Variants in TYRP1 observed in about 807,000 individuals in gnomAD.
The protein encoded by TYRP1 is tyrosinase related protein 1, also known as 5,6-dihydroxyindole-2-carboxylic acid oxidase.
A neutral mutation model predicts 42.8 loss-of-function variants in TYRP1; 49 were observed. That is an observed-to-expected ratio of 1.14 (90% CI 0.91 to 1.45). The LOEUF is 1.45. Ranked by LOEUF, TYRP1 falls within the 40% of genes most tolerant of loss-of-function variation. The pLI, the probability that TYRP1 is intolerant of heterozygous loss-of-function variation, is 0.00. For synonymous variants in TYRP1, 279 were observed against 235.4 expected (o/e 1.19, Z -1.69); for missense variants, 848 against 662.0 (o/e 1.28, Z -3.08).
At chr9:12,705,042 A>C (rs1818235897) in intron 6 of TYRP1, among the ~76,000 whole-genome samples, 1 of 152,026 alleles carries the variant, frequency 6.6e-6, no homozygotes, top group Non-Finnish European at 1.5e-5. Flanking sequence ...TTTAAATATA[A>C]ATGAGGAAAA....
At chr9:12,694,673 C>T (rs1455556484) in intron 2 of TYRP1, among the ~76,000 whole-genome samples, 1 of 152,172 alleles carries the variant, frequency 6.6e-6, no homozygotes, top group Non-Finnish European at 1.5e-5. Context: ...GTAACTCCTT[C>T]AGGTAAACAT....
chr9:12,709,315 C>T lies in TYRP1; in HGVS notation c.*133C>T. The T allele has an allele frequency of 1.1e-6, 1 of 922,358 alleles. No individual in the cohort carries two copies. Among genetic ancestry groups the T allele is most frequent in the Non-Finnish European group, 1.7e-6 (1 of 589,314 alleles). 57.1% of individuals were successfully genotyped at this position (922,358 alleles called of 1,614,324 possible). ...ACAAGCATATGTTAGCATTAAAGTT[C>T]TAGGCATACTTTTCAAAGCTGGGAA... On this transcript the variant is annotated 3_prime_UTR_variant, in exon 8 of 8. Coordinates refer to ENST00000388918, the MANE Select transcript of TYRP1 (RefSeq NM_000550.3).
chr9:12,709,406 A>C lies in TYRP1; in HGVS notation c.*224A>C. The C allele has an allele frequency of 1.8e-6, 1 of 548,982 alleles. No individual in the cohort carries two copies. The allele number at this position is 548,982 out of a possible 1,614,324, so 34.0% of individuals were successfully genotyped here. On this transcript the variant is annotated 3_prime_UTR_variant, in exon 8 of 8. Coordinates refer to ENST00000388918, the MANE Select transcript of TYRP1 (RefSeq NM_000550.3). The stretch of plus-strand genomic sequence containing the variant: ...TCTATTTAAAATGGTGAATGACACT[A>C]AACTCCATGATATTTAAGGATAGTG...
intron 1 of TYRP1, 119 bp from the exon 2 acceptor site, chr9:12,693,793 T>C: frequency 1.7e-6 from 1 of 604,644 alleles, no homozygotes; most frequent in East Asian, 3.0e-5. Context: ...ACTTTTATTA[T>C]TTGTGTGAAA....
intron 4 of TYRP1, among the ~76,000 whole-genome samples, chr9:12,699,124 G>T (rs1818125379): frequency 6.6e-6 from 1 of 152,112 alleles, no homozygotes; most frequent in Non-Finnish European, 1.5e-5. Flanking sequence ...GAAAACAAAA[G>T]CTGATATGGG....
rs1352004511 is a variant in TYRP1 at position 12,709,472 on chromosome 9, A to C, written c.*290A>C. 4 of 293,042 alleles carry C rather than the reference A, an allele frequency of 1.4e-5. No homozygotes were observed. Among genetic ancestry groups the C allele is most frequent in the South Asian group, 2.7e-5 (1 of 36,952 alleles). The allele number at this position is 293,042 out of a possible 1,614,324, so 18.2% of individuals were successfully genotyped here. ...TGATTTAAAGGTTGAGTATGTGAAG[A>C]TATAAGTAAGTGAACTACCATGCTT... On this transcript the variant is annotated 3_prime_UTR_variant, in exon 8 of 8. Coordinates refer to ENST00000388918, the MANE Select transcript of TYRP1 (RefSeq NM_000550.3).
chr9:12,694,799 C>G (rs1427081731), intron 2 of TYRP1, among the ~76,000 whole-genome samples: 1 of 152,158 alleles, frequency 6.6e-6, no homozygotes, highest in Non-Finnish European at 1.5e-5. Context: ...GCAACTACCC[C>G]TGCTGACCCT....
chr9:12,706,416 A>G (rs190542429), intron 6 of TYRP1, among the ~76,000 whole-genome samples: 1 of 152,162 alleles, frequency 6.6e-6, no homozygotes, highest in East Asian at 1.9e-4. Flanking sequence ...GCAAGTTGTT[A>G]AAGGTTCTCC....
intron 6 of TYRP1, among the ~76,000 whole-genome samples, chr9:12,706,560 C>T (rs41303671): frequency 7.6e-4 from 116 of 151,638 alleles, no homozygotes; most frequent in East Asian, 5.8e-3. Context: ...AGAGAAATAC[C>T]GTAAATAAAA....
At position 12,709,759 on chromosome 9, in the gene TYRP1, G is replaced by A. The variant is rs931140427; in HGVS notation, c.*577G>A. ...TTATTTAGTCAACATATACTATTTA[G>A]TCTCAGGTTCAAGGCTACAACAAAA... On this transcript the variant is annotated 3_prime_UTR_variant, in exon 8 of 8. Transcript: ENST00000388918. The A allele has an allele frequency of 3.3e-5, 5 of 153,504 alleles. No individual in the cohort carries two copies. The highest frequency in any genetic ancestry group is 9.7e-5 in the African/African-American group (4 of 41,346). 9.5% of individuals were successfully genotyped at this position (153,504 alleles called of 1,614,324 possible).
chr9:12,701,040 G>A (rs77511830), intron 4 of TYRP1, among the ~76,000 whole-genome samples: 12 of 152,098 alleles, frequency 7.9e-5, no homozygotes, highest in African/African-American at 2.9e-4. Context: ...TCTCTCACCA[G>A]CTTAGTGGAT....
rs1586846392 is a variant in TYRP1 at position 12,705,854 on chromosome 9, T to C, written c.1261+1149T>C. On this transcript the variant is annotated intron_variant, in intron 6 of 7. Transcript: ENST00000388918. ...AGAGACAGAGTTAGTTTTCAATCAG[T>C]TATGAATTCAGTTATTGCAGTTTCA... is the stretch of plus-strand genomic sequence containing the variant. 3.9e-5 allele frequency among the ~76,000 whole-genome samples: 6 copies of C among 152,072 alleles called. 1 individual carries two copies. Among genetic ancestry groups the C allele is most frequent in the Admixed American group, 6.6e-5 (1 of 15,252 alleles).
At chr9:12,700,415 C>A (rs1586843478) in intron 4 of TYRP1, 1 of 152,052 alleles carries the variant, frequency 6.6e-6, no homozygotes, top group African/African-American at 2.4e-5. Flanking sequence ...TATTTTATTG[C>A]AGCTAACGTT....
In TYRP1 at chr9:12,709,607, T is replaced by TGTCA. The variant is rs1373071117; in HGVS notation, c.*426_*429dup. 5.6e-6 allele frequency: 1 copy of TGTCA among 179,458 alleles called. No homozygotes were observed. Among genetic ancestry groups the TGTCA allele is most frequent in the African/African-American group, 2.4e-5 (1 of 42,042 alleles). The allele number at this position is 179,458 out of a possible 1,614,324, so 11.1% of individuals were successfully genotyped here. The stretch of plus-strand genomic sequence containing the variant: ...AAACACATTTCCATTCATGGATATT[T>TGTCA]GTCAACAGATTTAAAGAAAACCACA... On this transcript the variant is annotated 3_prime_UTR_variant, in exon 8 of 8. Coordinates refer to ENST00000388918, the MANE Select transcript of TYRP1 (RefSeq NM_000550.3).
At chr9:12,705,987 A>G (rs543858169) in intron 6 of TYRP1, among the ~76,000 whole-genome samples, 11 of 152,210 alleles carry the variant, frequency 7.2e-5, no homozygotes, top group African/African-American at 2.6e-4. Context: ...TTGAAATACA[A>G]TATGAGGGCA....
At chr9:12,707,729 G>A in intron 6 of TYRP1, 1 of 349,676 alleles carries the variant, frequency 2.9e-6, no homozygotes, top group Non-Finnish European at 5.1e-6. Flanking sequence ...AATTATTCAA[G>A]ATCACCATAG....
At chr9:12,694,890 A>T (rs557462697) in intron 2 of TYRP1, among the ~76,000 whole-genome samples, 1 of 152,336 alleles carries the variant, frequency 6.6e-6, no homozygotes, top group East Asian at 1.9e-4. Context: ...GCATTAAATA[A>T]CAAAGCACTA....
chr9:12,700,067 T>C (rs573453563), intron 4 of TYRP1: 1 of 152,268 alleles, frequency 6.6e-6, no homozygotes, highest in Non-Finnish European at 1.5e-5. Flanking sequence ...CTGCAAGAGA[T>C]AAATGGCAGA....
chr9:12,698,555 C>A lies in TYRP1; in HGVS notation c.813C>A (p.Asn271Lys), dbSNP rs778148332. 1.2e-6 allele frequency: 2 copies of A among 1,613,804 alleles called. No homozygotes were observed. Among genetic ancestry groups the A allele is most frequent in the Non-Finnish European group, 8.5e-7 (1 of 1,179,818 alleles). Residue 271 changes from asparagine to lysine, a missense_variant, in exon 4 of 8, where the codon AAC becomes AAA. Coordinates refer to ENST00000388918, the MANE Select transcript of TYRP1 (RefSeq NM_000550.3). Reference sequence around the variant, plus strand: ...ATGACTTGATGGGATCCAGAAGCAACTTTGATTCCACTCTAATAAGCCCAA... The same window carrying A: ...ATGACTTGATGGGATCCAGAAGCAAATTTGATTCCACTCTAATAAGCCCAA... ...CTDDLMGSRS[N>K]FDSTLISPNS...
Sources: allele counts gnomAD v4.1 joint callset (sites outside exome capture counted in the v4.1 genomes callset), GRCh38; gene constraint gnomAD v4.1.1; transcripts MANE v1.5; gene names NCBI Gene and HGNC (gene_info 2026-07-23, HGNC 2026-07-21).